The following MGAT5 variants were observed in gnomAD, a reference collection of about 807,000 sequenced individuals.
MGAT5 encodes alpha-1,6-mannosylglycoprotein 6-beta-N-acetylglucosaminyltransferase A.
MGAT5 carries 30 observed loss-of-function variants against 94.3 expected under a neutral mutation model. The ratio of observed to expected loss-of-function variants is 0.32; its 90% CI spans 0.24 to 0.43. The LOEUF is 0.43. Ranked by LOEUF, MGAT5 falls within the 20% of genes least tolerant of loss-of-function variation. The pLI is 1.00. For synonymous variants in MGAT5, 310 were observed against 322.9 expected (o/e 0.96, Z 0.43); for missense variants, 691 against 905.5 (o/e 0.76, Z 3.04).
At chr2:134,145,682 C>G (rs1031378345) in intron 1 of MGAT5, among the ~76,000 whole-genome samples, 1 of 152,246 alleles carries the variant, frequency 6.6e-6, no homozygotes, top group African/African-American at 2.4e-5. Flanking sequence ...AATTCTGACT[C>G]TGCTCTTTAT....
intron 7 of MGAT5, among the ~76,000 whole-genome samples, chr2:134,341,999 A>G (rs565058192): frequency 2.0e-5 from 3 of 152,168 alleles, no homozygotes; most frequent in Non-Finnish European, 2.9e-5. Flanking sequence ...GAAAATTCAA[A>G]CTAAGGAGCT....
chr2:134,147,937 C>T (rs1307459969), intron 1 of MGAT5, among the ~76,000 whole-genome samples: 1 of 152,200 alleles, frequency 6.6e-6, no homozygotes, highest in East Asian at 1.9e-4. Context: ...AAATCCATAT[C>T]GCACTACAGT....
chr2:134,440,445 TGAG>T (rs1378299345), intron 14 of MGAT5, among the ~76,000 whole-genome samples: 102 of 152,296 alleles, frequency 6.7e-4, no homozygotes, highest in Admixed American at 5.9e-3. Flanking sequence ...GCTGGGCACC[TGAG>T]GTGAACTGGC....
At chr2:134,356,711 G>A (rs926033135) in intron 9 of MGAT5, among the ~76,000 whole-genome samples, 9 of 152,064 alleles carry the variant, frequency 5.9e-5, no homozygotes, top group Admixed American at 2.0e-4. Context: ...CTTACTACGC[G>A]GCTTTTTGCT....
intron 2 of MGAT5, among the ~76,000 whole-genome samples, chr2:134,288,370 A>C (rs1324622348): frequency 6.6e-6 from 1 of 152,200 alleles, no homozygotes; most frequent in African/African-American, 2.4e-5. Flanking sequence ...CTGTAAATAA[A>C]GTCATGCTGG....
At chr2:134,159,271 C>T (rs148219998) in intron 1 of MGAT5, among the ~76,000 whole-genome samples, 1 of 151,104 alleles carries the variant, frequency 6.6e-6, no homozygotes, top group East Asian at 2.0e-4. Context: ...CCCCAGGATT[C>T]ATCCATCCCT....
chr2:134,241,147 T>C (rs1681949907), intron 1 of MGAT5, among the ~76,000 whole-genome samples: 1 of 152,254 alleles, frequency 6.6e-6, no homozygotes, highest in Non-Finnish European at 1.5e-5. Context: ...TGAGCATCTG[T>C]GGGTGGGCTC....
At chr2:134,241,572 C>A (rs560282993) in intron 1 of MGAT5, among the ~76,000 whole-genome samples, 22 of 152,282 alleles carry the variant, frequency 1.4e-4, no homozygotes, top group African/African-American at 5.3e-4. Context: ...CTGTGTATTA[C>A]AGGTTAAATG....
intron 10 of MGAT5, among the ~76,000 whole-genome samples, chr2:134,397,035 ATAAGT>A (rs1288936597): frequency 6.6e-6 from 1 of 152,198 alleles, no homozygotes. Context: ...GGAATGAGGG[ATAAGT>A]TAAGTGTAGG....
At chr2:134,383,926 G>C (rs529768368) in intron 10 of MGAT5, among the ~76,000 whole-genome samples, 43 of 152,186 alleles carry the variant, frequency 2.8e-4, no homozygotes, top group African/African-American at 1.0e-3. Context: ...GTCACCGCCT[G>C]CCTCGGCCTC....
At chr2:134,266,725 A>G (rs192115781) in intron 1 of MGAT5, among the ~76,000 whole-genome samples, 1 of 152,352 alleles carries the variant, frequency 6.6e-6, no homozygotes, top group Admixed American at 6.5e-5. Context: ...AATGATACAG[A>G]TATGGGCTTG....
Position 134,270,535 on chromosome 2 carries a change from A to G in MGAT5, c.391A>G (p.Lys131Glu), listed in dbSNP as rs749019532. The G allele has an allele frequency of 5.0e-5, 80 of 1,614,052 alleles. No homozygotes were observed. The highest frequency in any genetic ancestry group is 8.3e-5 in the Admixed American group (5 of 60,006). The change falls in exon 2 of 16, where the codon AAA becomes GAA. Residue 131 changes from lysine (K) to glutamate (E), a missense_variant. Around this residue, in one of 4 missense-constraint regions of MGAT5, gnomAD observed 307 missense variants for 335.4 expected, o/e 0.92. Transcript: ENST00000281923. ...TAVPSLVALEKINVADIINGA... is the reference protein window; with the variant it reads ...TAVPSLVALEEINVADIINGA... ...TGTTCCCAGCTTGGTTGCACTTGAG[A>G]AAATTAATGTGGCAGGTAAAAATAG...
intron 11 of MGAT5, among the ~76,000 whole-genome samples, chr2:134,403,871 C>T (rs950723022): frequency 3.3e-5 from 5 of 152,142 alleles, no homozygotes; most frequent in African/African-American, 4.8e-5. Context: ...TGGAGGTAGC[C>T]GGGCAAGCCC....
At chr2:134,392,646 G>A (rs934672856) in intron 10 of MGAT5, among the ~76,000 whole-genome samples, 4 of 152,154 alleles carry the variant, frequency 2.6e-5, no homozygotes, top group African/African-American at 9.7e-5. Flanking sequence ...GTTGACACTC[G>A]GTATTCTGAG....
intron 1 of MGAT5, among the ~76,000 whole-genome samples, chr2:134,219,914 C>T (rs1680673680): frequency 6.6e-6 from 1 of 152,058 alleles, no homozygotes; most frequent in South Asian, 2.1e-4. Context: ...GGCACTACTC[C>T]CTTACTTGGT....
At chr2:134,152,310 ATCACTCACGCCCTATGGGACCCGC>A (rs1558959265) in intron 1 of MGAT5, among the ~76,000 whole-genome samples, 37 of 88,048 alleles carry the variant, frequency 4.2e-4, no homozygotes, top group African/African-American at 1.4e-3. Context: ...GGACCCGCTT[ATCACTCACGCCCTATGGGACCCGC>A]CCACCGCCAT....
At chr2:134,195,588 C>T (rs556089824) in intron 1 of MGAT5, among the ~76,000 whole-genome samples, 8 of 152,206 alleles carry the variant, frequency 5.3e-5, no homozygotes, top group Non-Finnish European at 7.4e-5. Context: ...CGTAGGTTTC[C>T]GTTTGCTTCA....
intron 4 of MGAT5, among the ~76,000 whole-genome samples, chr2:134,328,021 T>A (rs550151936): frequency 3.1e-3 from 478 of 152,274 alleles, no homozygotes; most frequent in Non-Finnish European, 5.2e-3. Context: ...AGAGTTGCTA[T>A]AGAAAGTATC....
intron 2 of MGAT5, among the ~76,000 whole-genome samples, chr2:134,306,785 A>AATC (rs1686355750): frequency 6.6e-6 from 1 of 152,158 alleles, no homozygotes; most frequent in Non-Finnish European, 1.5e-5. Flanking sequence ...TTATGTGATT[A>AATC]ATAAAAGGCA....
Sources: gnomAD v4.1 joint callset for allele counts (sites outside exome capture counted in the v4.1 genomes callset) on GRCh38, gnomAD v4.1.1 for gene constraint, gnomAD v4.1.1 regional missense constraint, MANE v1.5 for transcripts, NCBI Gene and HGNC (gene_info 2026-07-23, HGNC 2026-07-21) for gene names.